IL4R: variants seen among roughly 807,000 people sequenced by gnomAD.
The protein encoded by IL4R is interleukin-4 receptor subunit alpha.
A neutral mutation model predicts 41.5 loss-of-function variants in IL4R; 17 were observed. That is an observed-to-expected ratio of 0.41 (90% confidence interval 0.28 to 0.61). IL4R has a LOEUF of 0.61. Among genes scored for constraint, IL4R ranks in the 20% least tolerant of loss-of-function variants. The pLI, the probability that IL4R is intolerant of heterozygous loss-of-function variation, is 0.31. For synonymous variants in IL4R, 402 were observed against 422.9 expected (o/e 0.95, Z 0.61); for missense variants, 974 against 1,043.1 (o/e 0.93, Z 0.91).
At chr16:27,327,123 A>C (rs898051131) in intron 1 of IL4R, among the ~76,000 whole-genome samples, 1 of 152,144 alleles carries the variant, frequency 6.6e-6, no homozygotes, top group African/African-American at 2.4e-5. Context: ...TTCAGGGGTC[A>C]GCGGCTCCAA....
chr16:27,319,730 T>C (rs1237653678), intron 1 of IL4R, among the ~76,000 whole-genome samples: 1 of 152,138 alleles, frequency 6.6e-6, no homozygotes, highest in Non-Finnish European at 1.5e-5. Context: ...CGAAGTTTTA[T>C]CTGTATTTAC....
At chr16:27,353,208 A>G (rs542140507) in intron 7 of IL4R, among the ~76,000 whole-genome samples, 1 of 152,330 alleles carries the variant, frequency 6.6e-6, no homozygotes, top group East Asian at 1.9e-4. Context: ...CTGTAGTCCC[A>G]GGTACTGGGA....
At chr16:27,329,841 A>C (rs903709466) in intron 1 of IL4R, among the ~76,000 whole-genome samples, 2 of 151,920 alleles carry the variant, frequency 1.3e-5, no homozygotes, top group Non-Finnish European at 2.9e-5. Flanking sequence ...TGCTGTGATA[A>C]GAAGTCACAG....
intron 1 of IL4R, among the ~76,000 whole-genome samples, chr16:27,329,232 A>G (rs1596774670): frequency 6.6e-6 from 1 of 152,114 alleles, no homozygotes; most frequent in African/African-American, 2.4e-5. Flanking sequence ...CCAGAAGCCA[A>G]GTAGATACGG....
chr16:27,346,732 A>T, intron 6 of IL4R, 114 bp downstream of exon 6: 1 of 1,140,814 alleles, frequency 8.8e-7, no homozygotes, highest in East Asian at 2.3e-5. Flanking sequence ...GGGGCTGGAT[A>T]GCAAATCCCA....
intron 1 of IL4R, among the ~76,000 whole-genome samples, chr16:27,329,097 G>A (rs955680676): frequency 2.0e-5 from 3 of 152,052 alleles, no homozygotes; most frequent in African/African-American, 4.8e-5. Flanking sequence ...TAGTGAGTGA[G>A]TTCTCACAAG....
intron 9 of IL4R, 86 bp downstream of exon 9, chr16:27,359,080 C>T (rs1475176888): frequency 8.1e-6 from 8 of 991,908 alleles, no homozygotes; most frequent in African/African-American, 4.8e-5. Flanking sequence ...AGGACCTTCA[C>T]TGGCTTCTGG....
intron 1 of IL4R, among the ~76,000 whole-genome samples, chr16:27,318,339 C>T (rs1416920484): frequency 6.6e-6 from 1 of 152,112 alleles, no homozygotes; most frequent in African/African-American, 2.4e-5. Flanking sequence ...CAGGAGAGAA[C>T]ATGGACCTGC....
At chr16:27,351,165 G>C (rs1462531412) in intron 6 of IL4R, among the ~76,000 whole-genome samples, 2 of 152,126 alleles carry the variant, frequency 1.3e-5, no homozygotes, top group African/African-American at 4.8e-5. Context: ...TACAATATTG[G>C]TGACATTCAG....
At chr16:27,356,343 A>G (rs1186017661) in intron 8 of IL4R, among the ~76,000 whole-genome samples, 2 of 152,044 alleles carry the variant, frequency 1.3e-5, no homozygotes, top group African/African-American at 4.8e-5. Context: ...TGCCTGCCTC[A>G]GCCTCCCAAA....
intron 9 of IL4R, among the ~76,000 whole-genome samples, chr16:27,360,120 T>G (rs1364206823): frequency 6.6e-6 from 1 of 151,936 alleles, no homozygotes; most frequent in East Asian, 1.9e-4. Flanking sequence ...GTTCAAGCAA[T>G]TTTCTTGCCT....
chr16:27,359,908 G>C, intron 9 of IL4R: 1 of 442,854 alleles, frequency 2.3e-6, no homozygotes. Context: ...TTTGGGGCTG[G>C]GCTCAGCAGT....
At chr16:27,361,030 G>A in intron 10 of IL4R, 1 of 1,438,534 alleles carries the variant, frequency 7.0e-7, no homozygotes. Flanking sequence ...GGTACATGGT[G>A]ATACCCCTTG....
At chr16:27,348,579 G>C (rs1489681019) in intron 6 of IL4R, among the ~76,000 whole-genome samples, 3 of 152,188 alleles carry the variant, frequency 2.0e-5, no homozygotes, top group Non-Finnish European at 4.4e-5. Flanking sequence ...AGTTGCTCCA[G>C]GCCTACATCC....
chr16:27,315,517 A>G (rs977623771), intron 1 of IL4R: 2 of 152,638 alleles, frequency 1.3e-5, no homozygotes, highest in Admixed American at 1.3e-4. Context: ...CAGCTCTTCA[A>G]AGGTCACTGG....
intron 1 of IL4R, among the ~76,000 whole-genome samples, chr16:27,325,808 A>G (rs959342856): frequency 6.6e-6 from 1 of 151,908 alleles, no homozygotes; most frequent in African/African-American, 2.4e-5. Context: ...ACCCTCTAGG[A>G]TGAGGGAGGG....
intron 10 of IL4R, among the ~76,000 whole-genome samples, chr16:27,361,483 C>T (rs1481016870): frequency 6.6e-6 from 1 of 152,006 alleles, no homozygotes; most frequent in African/African-American, 2.4e-5. Flanking sequence ...TTTGTAAAGA[C>T]AAGCTCTCGC....
intron 4 of IL4R, among the ~76,000 whole-genome samples, chr16:27,344,627 C>G (rs545750560): frequency 6.6e-6 from 1 of 152,336 alleles, no homozygotes; most frequent in East Asian, 1.9e-4. Flanking sequence ...GGGCCGGCAG[C>G]TAGGCAGGTG....
chr16:27,319,376 A>C (rs1386966957), intron 1 of IL4R, among the ~76,000 whole-genome samples: 3 of 152,232 alleles, frequency 2.0e-5, no homozygotes, highest in Non-Finnish European at 2.9e-5. Context: ...CCAGGGTCAC[A>C]CACCTGAAGG....
Sources: gnomAD v4.1 joint callset for allele counts (sites outside exome capture counted in the v4.1 genomes callset) on GRCh38, gnomAD v4.1.1 for gene constraint, MANE v1.5 for transcripts, NCBI Gene and HGNC (gene_info 2026-07-23, HGNC 2026-07-21) for gene names.